Variants in PDE4D observed in about 807,000 individuals in gnomAD.
PDE4D encodes 3',5'-cyclic-AMP phosphodiesterase 4D.
PDE4D carries 24 observed loss-of-function variants against 87.4 expected under a neutral mutation model. That is an observed-to-expected ratio of 0.27 (90% CI 0.20 to 0.39). The LOEUF (loss-of-function observed/expected upper bound fraction) is 0.39. Among genes scored for constraint, PDE4D ranks in the 10% least tolerant of loss-of-function variants. The probability of loss-of-function intolerance (pLI) is 1.00; values close to 1 mark genes in which losing one functional copy is unlikely to be tolerated. For missense variants in PDE4D, 714 were observed against 1,041.0 expected, an observed-to-expected ratio of 0.69 and a Z score of 4.32; for synonymous variants, 384 against 383.2, an observed-to-expected ratio of 1.00 and a Z score of -0.02.
At chr5:59,390,590 C>T (rs1265937871) in intron 1 of PDE4D, among the ~76,000 whole-genome samples, 2 of 151,936 alleles carry the variant, frequency 1.3e-5, no homozygotes, top group Admixed American at 1.3e-4. Flanking sequence ...TTTTTATATC[C>T]AAGAGTTTCA....
chr5:59,778,857 T>C (rs1253419394), intron 1 of PDE4D, among the ~76,000 whole-genome samples: 1 of 152,240 alleles, frequency 6.6e-6, no homozygotes, highest in Non-Finnish European at 1.5e-5. Context: ...ACTAAAATTC[T>C]ACATTGTTTT....
chr5:60,498,734 T>A lies in PDE4D; in HGVS notation n.70+23317A>T, dbSNP rs909440589. On this transcript the variant is annotated intron_variant and non_coding_transcript_variant, in intron 1 of 2. Coordinates refer to the PDE4D transcript ENST00000506510. The stretch of plus-strand genomic sequence containing the variant: ...ACTTGTATAATCAGCTTGTTTTTTT[T>A]AATCTTGTCTGTTCAAATTTAGCCA... Among the ~76,000 whole-genome samples the A allele has an allele frequency of 3.3e-5, 5 of 152,342 alleles. No homozygotes were observed. In the East Asian group the frequency reaches 9.6e-4, roughly 29 times the overall value.
chr5:59,957,554 T>C (rs1406115851), intron 3 of PDE4D, among the ~76,000 whole-genome samples: 1 of 152,072 alleles, frequency 6.6e-6, no homozygotes, highest in Non-Finnish European at 1.5e-5. Flanking sequence ...GAGTGGCTGT[T>C]GGTAGTATAG....
intron 2 of PDE4D, among the ~76,000 whole-genome samples, chr5:60,089,264 A>G (rs1280191848): frequency 6.6e-6 from 1 of 152,048 alleles, no homozygotes; most frequent in African/African-American, 2.4e-5. Context: ...CACATGGAAC[A>G]TTCTCTAGGA....
intron 1 of PDE4D, among the ~76,000 whole-genome samples, chr5:59,571,484 A>C (rs1349394916): frequency 6.6e-6 from 1 of 152,168 alleles, no homozygotes; most frequent in Non-Finnish European, 1.5e-5. Context: ...TTTTGGGGAG[A>C]GGTGGGGGAA....
intron 2 of PDE4D, among the ~76,000 whole-genome samples, chr5:59,201,138 A>G (rs909463384): frequency 6.6e-6 from 1 of 152,114 alleles, no homozygotes; most frequent in Non-Finnish European, 1.5e-5. Flanking sequence ...GGTTTTTCAG[A>G]CGAATTTCAG....
At chr5:59,409,505 C>G (rs186143824) in intron 1 of PDE4D, among the ~76,000 whole-genome samples, 1 of 151,992 alleles carries the variant, frequency 6.6e-6, no homozygotes, top group Admixed American at 6.6e-5. Flanking sequence ...GTGGGCAGAT[C>G]CCTTATGGCT....
At chr5:59,221,362 T>C (rs987599755) in intron 1 of PDE4D, among the ~76,000 whole-genome samples, 12 of 152,354 alleles carry the variant, frequency 7.9e-5, no homozygotes, top group Admixed American at 3.3e-4. Flanking sequence ...CTGGGTGTGG[T>C]GGCTCATGCC....
At chr5:60,508,407 T>A (rs1750418350) in intron 1 of PDE4D, among the ~76,000 whole-genome samples, 1 of 152,238 alleles carries the variant, frequency 6.6e-6, no homozygotes, top group African/African-American at 2.4e-5. Context: ...CCAGTAAACA[T>A]CTGCTAAAAT....
chr5:60,066,081 T>A (rs1312727235), intron 2 of PDE4D, among the ~76,000 whole-genome samples: 1 of 152,148 alleles, frequency 6.6e-6, no homozygotes, highest in Non-Finnish European at 1.5e-5. Context: ...TTTCTCCACA[T>A]CCTCTCCAGC....
At chr5:59,843,445 C>G (rs1486206014) in intron 1 of PDE4D, among the ~76,000 whole-genome samples, 3 of 152,022 alleles carry the variant, frequency 2.0e-5, no homozygotes. Flanking sequence ...CTACTCCCCC[C>G]CAGAAAAATC....
At chr5:59,723,424 A>G (rs771015661) in intron 1 of PDE4D, among the ~76,000 whole-genome samples, 1 of 152,206 alleles carries the variant, frequency 6.6e-6, no homozygotes, top group Non-Finnish European at 1.5e-5. Context: ...CACAGAGCCT[A>G]GAACAGAGTA....
At chr5:60,427,253 T>C (rs1213260146) in intron 1 of PDE4D, among the ~76,000 whole-genome samples, 1 of 152,096 alleles carries the variant, frequency 6.6e-6, no homozygotes, top group Non-Finnish European at 1.5e-5. Flanking sequence ...CCCAGGCACA[T>C]TGTAGTAAAA....
chr5:59,960,415 A>C (rs1236307278), intron 3 of PDE4D, among the ~76,000 whole-genome samples: 2 of 152,176 alleles, frequency 1.3e-5, no homozygotes, highest in African/African-American at 4.8e-5. Context: ...TATGTTTATC[A>C]CAGCACTATT....
chr5:59,053,908 T>G (rs1238431411), intron 5 of PDE4D, among the ~76,000 whole-genome samples: 1 of 151,988 alleles, frequency 6.6e-6, no homozygotes, highest in Non-Finnish European at 1.5e-5. Flanking sequence ...AGAGTGAGAT[T>G]CTGTCTCAAA....
At chr5:60,397,513 A>G (rs942964497) in intron 1 of PDE4D, among the ~76,000 whole-genome samples, 1 of 152,254 alleles carries the variant, frequency 6.6e-6, no homozygotes. Flanking sequence ...GGAGGACATC[A>G]TATTAAGTGA....
intron 1 of PDE4D, among the ~76,000 whole-genome samples, chr5:59,622,756 A>G (rs954480180): frequency 6.6e-6 from 1 of 152,194 alleles, no homozygotes; most frequent in African/African-American, 2.4e-5. Flanking sequence ...CTCAAACAAC[A>G]TAAGGTCTGA....
chr5:59,296,880 T>C (rs1443654706), intron 1 of PDE4D, among the ~76,000 whole-genome samples: 3 of 152,074 alleles, frequency 2.0e-5, no homozygotes, highest in African/African-American at 7.2e-5. Context: ...AAGGGAAGAA[T>C]TCTGTGCTGA....
At chr5:59,921,076 G>A (rs986872598) in intron 3 of PDE4D, among the ~76,000 whole-genome samples, 2 of 152,118 alleles carry the variant, frequency 1.3e-5, no homozygotes, top group African/African-American at 4.8e-5. Context: ...GGTGTATAAT[G>A]CTAAGAATAG....
Sources: gnomAD v4.1 joint callset for allele counts (sites outside exome capture counted in the v4.1 genomes callset) on GRCh38, gnomAD v4.1.1 for gene constraint, MANE v1.5 for transcripts, NCBI Gene and HGNC (gene_info 2026-07-23, HGNC 2026-07-21) for gene names.